MROH9: variants seen among roughly 807,000 people sequenced by gnomAD.
MROH9 encodes the protein maestro heat like repeat family member 9.
MROH9 carries 92 observed loss-of-function variants against 98.2 expected under a neutral mutation model. That is an observed-to-expected ratio of 0.94 (90% confidence interval 0.79 to 1.11). The LOEUF (loss-of-function observed/expected upper bound fraction) is 1.11. Ranked by LOEUF, MROH9 falls within the 50% of genes most tolerant of loss-of-function variation. MROH9 has a pLI of 0.00. For missense variants in MROH9, 1,057 were observed against 1,014.8 expected (o/e 1.04, Z -0.57); for synonymous variants, 397 against 368.9 (o/e 1.08, Z -0.87).
chr1:170,947,534 T>C lies in MROH9; in HGVS notation c.33T>C (p.Ser11=). Residue 11 remains serine (S), a synonymous_variant, in exon 3 of 22, where the codon AGT becomes AGC. Coordinates refer to ENST00000367759, the MANE Select transcript of MROH9 (RefSeq NM_001163629.2). MLTRNPKTKS[S]LQILQDSVKW... The stretch of plus-strand genomic sequence containing the variant: ...CTCCTTCTTTCTGGCTAGAGAGTAG[T>C]CTCCAGATTCTGCAAGACAGTGTGA... 6.2e-7 allele frequency: 1 copy of C among 1,610,824 alleles called. No individual in the cohort carries two copies.
chr1:170,965,864 CT>C (rs1650215370), intron 7 of MROH9, among the ~76,000 whole-genome samples: 2 of 151,926 alleles, frequency 1.3e-5, no homozygotes, highest in South Asian at 4.1e-4. Context: ...CTACAATTTG[CT>C]TTTTTTCACT....
chr1:171,014,663 T>C (rs1313170193), intron 16 of MROH9, among the ~76,000 whole-genome samples: 1 of 152,176 alleles, frequency 6.6e-6, no homozygotes, highest in Non-Finnish European at 1.5e-5. Context: ...CCTATACATA[T>C]TTACATTTTT....
chr1:171,018,154 G>T (rs968001585), intron 17 of MROH9, among the ~76,000 whole-genome samples: 1 of 152,270 alleles, frequency 6.6e-6, no homozygotes, highest in East Asian at 1.9e-4. Context: ...ACAGGCATCA[G>T]GTTGGTGCCC....
At chr1:171,039,363 A>T (rs1332026394) in intron 20 of MROH9, among the ~76,000 whole-genome samples, 1 of 152,208 alleles carries the variant, frequency 6.6e-6, no homozygotes, top group East Asian at 1.9e-4. Context: ...CTCATGCAAT[A>T]GTCCAAGCAT....
In MROH9 at chr1:170,992,558, T is replaced by C. The variant is rs565263025; in HGVS notation, c.1194+229T>C. On this transcript the variant is annotated intron_variant, in intron 12 of 21. Coordinates refer to ENST00000367759, the MANE Select transcript of MROH9 (RefSeq NM_001163629.2). ...ACAAATAAATGTGTTGTAAGTCAGA[T>C]GGTATAAAGCTTAAAAGAGATATAT... 3.9e-5 allele frequency among the ~76,000 whole-genome samples: 6 copies of C among 152,280 alleles called. No individual in the cohort carries two copies. The East Asian group carries it at 1.2e-3, about 29-fold the overall frequency.
intron 3 of MROH9, among the ~76,000 whole-genome samples, chr1:170,948,352 A>G (rs1649414183): frequency 6.6e-6 from 1 of 152,058 alleles, no homozygotes; most frequent in Non-Finnish European, 1.5e-5. Context: ...AGTCGCTGAT[A>G]ATTAAAGCAA....
intron 20 of MROH9, among the ~76,000 whole-genome samples, chr1:171,044,821 T>A (rs1279419005): frequency 1.3e-5 from 2 of 151,882 alleles, no homozygotes; most frequent in Non-Finnish European, 1.5e-5. Context: ...TCCTTTTTCA[T>A]TTTTTATTTT....
At chr1:170,998,711 T>C in intron 15 of MROH9, 18 of 1,029,664 alleles carry the variant, frequency 1.7e-5, no homozygotes, top group Middle Eastern at 4.7e-4. Flanking sequence ...TATTACTTTG[T>C]ATATCAATAT....
At chr1:170,980,290 A>C (rs1650880980) in intron 8 of MROH9, among the ~76,000 whole-genome samples, 2 of 152,198 alleles carry the variant, frequency 1.3e-5, no homozygotes, top group Non-Finnish European at 2.9e-5. Context: ...AGACAGTCCT[A>C]AGCAAAAAGA....
chr1:170,993,308 G>T (rs770173196), intron 12 of MROH9, among the ~76,000 whole-genome samples: 1 of 152,156 alleles, frequency 6.6e-6, no homozygotes, highest in Non-Finnish European at 1.5e-5. Flanking sequence ...TGGCAATGAT[G>T]CAAACTTTAG....
chr1:170,943,942 G>A (rs566829822), intron 1 of MROH9, among the ~76,000 whole-genome samples: 2 of 152,158 alleles, frequency 1.3e-5, no homozygotes, highest in Middle Eastern at 6.8e-3. Flanking sequence ...CATAAAGGAA[G>A]TAGGATTATT....
chr1:171,035,159 C>T (rs1653054271), intron 20 of MROH9, among the ~76,000 whole-genome samples: 1 of 151,628 alleles, frequency 6.6e-6, no homozygotes, highest in South Asian at 2.1e-4. Context: ...AAAAATCAAG[C>T]AACAAGCTGA....
intron 20 of MROH9, among the ~76,000 whole-genome samples, chr1:171,026,223 A>G (rs1457357861): frequency 6.6e-6 from 1 of 151,462 alleles, no homozygotes; most frequent in Non-Finnish European, 1.5e-5. Context: ...GCACACACAC[A>G]CACACCCTCA....
chr1:171,008,437 A>G (rs920831794), intron 15 of MROH9, among the ~76,000 whole-genome samples: 7 of 152,158 alleles, frequency 4.6e-5, no homozygotes, highest in African/African-American at 1.7e-4. Context: ...ATATTTTTGT[A>G]TGAGATTTAC....
chr1:170,991,333 G>T (rs1651346499), intron 11 of MROH9, among the ~76,000 whole-genome samples: 1 of 152,092 alleles, frequency 6.6e-6, no homozygotes, highest in African/African-American at 2.4e-5. Flanking sequence ...CACGGCATAT[G>T]AGAGTTGATG....
At chr1:171,011,160 C>T (rs1366996001) in intron 15 of MROH9, among the ~76,000 whole-genome samples, 4 of 152,024 alleles carry the variant, frequency 2.6e-5, no homozygotes, top group African/African-American at 9.7e-5. Context: ...AGACAGACAG[C>T]GAGACAGATG....
At chr1:171,059,642 A>G (rs59842706) in intron 20 of MROH9, among the ~76,000 whole-genome samples, 4,761 of 152,344 alleles carry the variant, frequency 0.031, 247 homozygotes, top group African/African-American at 0.11. Context: ...ATGCTCATCA[A>G]TGATAGACTG....
intron 17 of MROH9, among the ~76,000 whole-genome samples, chr1:171,020,320 C>T (rs1454476813): frequency 6.6e-6 from 1 of 152,248 alleles, no homozygotes; most frequent in Admixed American, 6.5e-5. Flanking sequence ...GAAAAGAAAA[C>T]TTCAGGGCAA....
At chr1:170,983,113 C>A (rs1022623740) in intron 8 of MROH9, among the ~76,000 whole-genome samples, 3 of 152,170 alleles carry the variant, frequency 2.0e-5, no homozygotes, top group African/African-American at 7.2e-5. Context: ...AATAGACCCT[C>A]CAGCTTAGCA....
Sources: allele counts gnomAD v4.1 joint callset (sites outside exome capture counted in the v4.1 genomes callset), GRCh38; gene constraint gnomAD v4.1.1; transcripts MANE v1.5; gene names NCBI Gene and HGNC (gene_info 2026-07-23, HGNC 2026-07-21).